MAPK6: variants seen among roughly 807,000 people sequenced by gnomAD.
MAPK6 encodes the protein mitogen-activated protein kinase 6, also known as ERK-3.
In MAPK6, 19 loss-of-function variants were observed where a neutral mutation model predicts 59.3. The observed-to-expected ratio is 0.32, with a 90% CI of 0.22 to 0.47. The LOEUF is 0.47. MAPK6 is among the 20% of genes least tolerant of loss of function. MAPK6 has a pLI of 1.00. For missense variants in MAPK6, 724 were observed against 847.9 expected (o/e 0.85, Z 1.81); for synonymous variants, 316 against 290.3 (o/e 1.09, Z -0.90).
At chr15:51,981,418 G>A (rs1357171354) in intron 1 of MAPK6, among the ~76,000 whole-genome samples, 1 of 151,198 alleles carries the variant, frequency 6.6e-6, no homozygotes, top group African/African-American at 2.4e-5. Flanking sequence ...CTTGCAGTGA[G>A]CCGAGATCGT....
At chr15:52,057,625 ACCT>A (rs1193737078) in intron 3 of MAPK6, among the ~76,000 whole-genome samples, 7 of 151,896 alleles carry the variant, frequency 4.6e-5, no homozygotes, top group African/African-American at 1.7e-4. Flanking sequence ...GCTTACTGCA[ACCT>A]CCTCCTCCAG....
At chr15:52,044,533 T>C (rs1331232488) in intron 1 of MAPK6, among the ~76,000 whole-genome samples, 1 of 152,128 alleles carries the variant, frequency 6.6e-6, no homozygotes, top group Non-Finnish European at 1.5e-5. Context: ...TATTGTCTGG[T>C]CTTATTTGTT....
intron 2 of MAPK6, 53 bp downstream of exon 2, chr15:52,047,068 G>T: frequency 3.2e-6 from 4 of 1,251,302 alleles, no homozygotes; most frequent in Non-Finnish European, 4.3e-6. Context: ...CACCTAATCA[G>T]GAATAGGTAC....
intron 1 of MAPK6, among the ~76,000 whole-genome samples, chr15:52,025,679 C>G (rs964883118): frequency 6.6e-6 from 1 of 152,060 alleles, no homozygotes; most frequent in Non-Finnish European, 1.5e-5. Flanking sequence ...CGCCTGTAGT[C>G]CCAGCTGCTT....
chr15:52,057,932 G>T (rs979118811), intron 3 of MAPK6, among the ~76,000 whole-genome samples: 1 of 152,164 alleles, frequency 6.6e-6, no homozygotes, highest in African/African-American at 2.4e-5. Flanking sequence ...CACTTGGTCT[G>T]TTTTGTTTCA....
At chr15:51,993,349 G>A (rs749636512) in intron 2 of MAPK6, among the ~76,000 whole-genome samples, 4 of 152,114 alleles carry the variant, frequency 2.6e-5, no homozygotes, top group Admixed American at 6.6e-5. Flanking sequence ...TTTTAGGAGC[G>A]CTACATCAGG....
At chr15:51,990,297 A>G (rs560510256) in intron 2 of MAPK6, among the ~76,000 whole-genome samples, 44 of 152,362 alleles carry the variant, frequency 2.9e-4, no homozygotes, top group Non-Finnish European at 5.3e-4. Context: ...TTTGGAACAG[A>G]TTATGCAAAT....
intron 5 of MAPK6, 88 bp downstream of exon 5, chr15:52,061,588 C>A: frequency 1.0e-6 from 1 of 1,002,412 alleles, no homozygotes. Context: ...ATGTATAAGA[C>A]ATTGTAGAAG....
chr15:52,029,768 A>T (rs2030957996), intron 1 of MAPK6, among the ~76,000 whole-genome samples: 1 of 152,162 alleles, frequency 6.6e-6, no homozygotes. Flanking sequence ...TTATTCAATT[A>T]TCTGTTTTAC....
At chr15:52,034,619 T>A (rs1248969750) in intron 1 of MAPK6, among the ~76,000 whole-genome samples, 1 of 151,422 alleles carries the variant, frequency 6.6e-6, no homozygotes, top group Non-Finnish European at 1.5e-5. Flanking sequence ...GAGTTGTTCT[T>A]TCTCTTCCTT....
intron 5 of MAPK6, among the ~76,000 whole-genome samples, chr15:52,062,995 T>C (rs946874027): frequency 5.3e-5 from 8 of 152,224 alleles, no homozygotes; most frequent in Non-Finnish European, 7.3e-5. Context: ...AATGTTGATG[T>C]ATTGGTATGG....
At position 52,056,684 on chromosome 15, in the gene MAPK6, G is replaced by A. The variant is rs1566912868; in HGVS notation, c.701-1949G>A. 5 of 152,140 alleles carry A rather than the reference G, an allele frequency of 3.3e-5. No homozygotes were observed. In the South Asian group the frequency reaches 1.0e-3, roughly 32 times the overall value. The allele number at this position is 152,140 out of a possible 1,614,324, so 9.4% of individuals were successfully genotyped here. On this transcript the variant is annotated intron_variant, in intron 3 of 5. Coordinates refer to ENST00000261845, the MANE Select transcript of MAPK6 (RefSeq NM_002748.4). ...GCACGCCACTCTTGAATTCTTCCCTGGCCTCTTTCCAGTCACCCTTGCCAG... is the reference window on the plus strand; with the variant it reads ...GCACGCCACTCTTGAATTCTTCCCTAGCCTCTTTCCAGTCACCCTTGCCAG...
chr15:51,991,311 C>T (rs1330872300), intron 2 of MAPK6, among the ~76,000 whole-genome samples: 3 of 151,894 alleles, frequency 2.0e-5, no homozygotes, highest in Non-Finnish European at 4.4e-5. Flanking sequence ...TAATATAACC[C>T]GAGGCATCAT....
chr15:51,995,746 G>T (rs1232750560), intron 2 of MAPK6, among the ~76,000 whole-genome samples: 1 of 152,044 alleles, frequency 6.6e-6, no homozygotes, highest in East Asian at 1.9e-4. Context: ...TGCCCAACAT[G>T]GTGAAACCCT....
At chr15:52,016,849 TC>T (rs2030285243), upstream of MAPK6, among the ~76,000 whole-genome samples, 1 of 152,018 alleles carries the variant, frequency 6.6e-6, no homozygotes, top group Non-Finnish European at 1.5e-5. Flanking sequence ...ATCGAGACCA[TC>T]CTGGTCAACA....
upstream of MAPK6, among the ~76,000 whole-genome samples, chr15:52,014,703 T>TAAAAAAA (rs796259080): frequency 8.4e-6 from 1 of 119,460 alleles, no homozygotes; most frequent in South Asian, 2.6e-4. Flanking sequence ...TGAGATTTTC[T>TAAAAAAA]AAAAAAAAAA....
At chr15:52,016,024 C>G (rs1330687190), upstream of MAPK6, among the ~76,000 whole-genome samples, 2 of 146,360 alleles carry the variant, frequency 1.4e-5, no homozygotes, top group African/African-American at 2.5e-5. Flanking sequence ...CCACTGCACT[C>G]CAGCCTGGGC....
intron 1 of MAPK6, among the ~76,000 whole-genome samples, chr15:52,020,578 C>A (rs985814784): frequency 1.3e-5 from 2 of 152,104 alleles, no homozygotes; most frequent in African/African-American, 4.8e-5. Context: ...CTGTCTCTTA[C>A]AGTTCCAATT....
chr15:52,035,277 A>G (rs1372396399), intron 1 of MAPK6, among the ~76,000 whole-genome samples: 1 of 152,174 alleles, frequency 6.6e-6, no homozygotes, highest in Non-Finnish European at 1.5e-5. Flanking sequence ...TGAACATGGT[A>G]GAGGCTCTTT....
Sources: allele counts gnomAD v4.1 joint callset (sites outside exome capture counted in the v4.1 genomes callset), GRCh38; gene constraint gnomAD v4.1.1; transcripts MANE v1.5; gene names NCBI Gene and HGNC (gene_info 2026-07-23, HGNC 2026-07-21).